The following RPTOR variants were observed in gnomAD, a reference collection of about 807,000 sequenced individuals.
The protein encoded by RPTOR is regulatory-associated protein of mTOR.
In RPTOR, 21 loss-of-function variants were observed where a neutral mutation model predicts 169.9. The observed-to-expected ratio is 0.12, with a 90% CI of 0.09 to 0.18. The LOEUF is 0.18. RPTOR is among the 10% of genes least tolerant of loss of function. RPTOR has a pLI of 1.00. For synonymous variants in RPTOR, 732 were observed against 753.2 expected, an observed-to-expected ratio of 0.97 and a Z score of 0.46; for missense variants, 1,133 against 1,855.9, an observed-to-expected ratio of 0.61 and a Z score of 7.16.
intron 14 of RPTOR, among the ~76,000 whole-genome samples, chr17:80,882,857 G>A (rs972302173): frequency 2.6e-5 from 4 of 152,226 alleles, no homozygotes; most frequent in Non-Finnish European, 4.4e-5. Flanking sequence ...CAAGAGGCGC[G>A]TAGGACACTA....
intron 3 of RPTOR, among the ~76,000 whole-genome samples, chr17:80,676,646 G>A (rs1432501865): frequency 6.6e-6 from 1 of 152,208 alleles, no homozygotes; most frequent in South Asian, 2.1e-4. Flanking sequence ...GGATTTTGAG[G>A]TGGAGCATTA....
rs1255708777 is a variant in RPTOR, at chr17:80,589,027, T to G, written c.163-36664T>G. On this transcript the variant is annotated intron_variant, in intron 1 of 33. Transcript: ENST00000306801. ...TACCCTAAAAGCTTCATAGTTTTGT[T>G]TTTTACATTTAGGTCCCTAACGAGG... Among the ~76,000 whole-genome samples the G allele has an allele frequency of 2.6e-5, 4 of 152,330 alleles. No individual in the cohort carries two copies. The East Asian group carries it at 7.7e-4, about 29-fold the overall frequency.
intron 1 of RPTOR, among the ~76,000 whole-genome samples, chr17:80,564,928 T>C (rs1426676250): frequency 2.0e-5 from 3 of 152,250 alleles, no homozygotes; most frequent in Admixed American, 2.0e-4. Flanking sequence ...TATTTTTTTG[T>C]GTGGCTGCAT....
At chr17:80,935,300 A>G (rs1196047541) in intron 24 of RPTOR, among the ~76,000 whole-genome samples, 1 of 152,230 alleles carries the variant, frequency 6.6e-6, no homozygotes, top group Non-Finnish European at 1.5e-5. Context: ...ACATAGATCA[A>G]TGCAACCCCA....
At chr17:80,864,522 T>C (rs574168844) in intron 13 of RPTOR, among the ~76,000 whole-genome samples, 3 of 150,780 alleles carry the variant, frequency 2.0e-5, no homozygotes, top group South Asian at 2.1e-4. Context: ...GAAAAAACTG[T>C]CAACCTAGAA....
chr17:80,606,275 G>A (rs1390475349), intron 1 of RPTOR, among the ~76,000 whole-genome samples: 1 of 150,032 alleles, frequency 6.7e-6, no homozygotes, highest in Non-Finnish European at 1.5e-5. Context: ...CTCCCAAAGT[G>A]CTGGGATTAC....
intron 9 of RPTOR, among the ~76,000 whole-genome samples, chr17:80,828,282 G>A (rs915430668): frequency 4.6e-5 from 7 of 152,210 alleles, no homozygotes; most frequent in African/African-American, 1.4e-4. Flanking sequence ...CTGAGACCAT[G>A]CGAGGTCTCA....
At chr17:80,716,111 G>C (rs2066237370) in intron 4 of RPTOR, among the ~76,000 whole-genome samples, 1 of 152,184 alleles carries the variant, frequency 6.6e-6, no homozygotes, top group Non-Finnish European at 1.5e-5. Flanking sequence ...TCAAATGGTA[G>C]TTCTACTTGT....
At chr17:80,949,264 C>T (rs1185761007) in intron 27 of RPTOR, among the ~76,000 whole-genome samples, 179 bp from the exon 28 acceptor site, 1 of 152,184 alleles carries the variant, frequency 6.6e-6, no homozygotes, top group African/African-American at 2.4e-5. Flanking sequence ...AGATATGGAT[C>T]TGAGGACAGA....
chr17:80,577,754 A>T (rs1480375791), intron 1 of RPTOR, among the ~76,000 whole-genome samples: 1 of 152,242 alleles, frequency 6.6e-6, no homozygotes, highest in African/African-American at 2.4e-5. Context: ...GCCCATCTCC[A>T]GTGCCATTCT....
chr17:80,687,826 G>A (rs1400479693), intron 3 of RPTOR, among the ~76,000 whole-genome samples: 2 of 152,168 alleles, frequency 1.3e-5, no homozygotes, highest in African/African-American at 4.8e-5. Flanking sequence ...CAGTGAGGCC[G>A]ACAGTGAGTT....
At chr17:80,789,188 A>C (rs1222718806) in intron 6 of RPTOR, among the ~76,000 whole-genome samples, 1 of 152,348 alleles carries the variant, frequency 6.6e-6, no homozygotes. Context: ...TATCTGGCCA[A>C]CTATGAATCT....
intron 25 of RPTOR, among the ~76,000 whole-genome samples, chr17:80,943,519 A>G (rs1203327504): frequency 6.6e-6 from 1 of 152,148 alleles, no homozygotes; most frequent in Non-Finnish European, 1.5e-5. Flanking sequence ...TCTACCCCAG[A>G]TCGGGAGGCT....
At chr17:80,812,182 C>T (rs1237695123) in intron 7 of RPTOR, among the ~76,000 whole-genome samples, 6 of 152,216 alleles carry the variant, frequency 3.9e-5, no homozygotes, top group Non-Finnish European at 8.8e-5. Context: ...TAGTTTTCTT[C>T]CAAAATTGTT....
chr17:80,665,631 G>A (rs541454126), intron 3 of RPTOR, among the ~76,000 whole-genome samples: 3 of 150,052 alleles, frequency 2.0e-5, no homozygotes, highest in East Asian at 2.0e-4. Flanking sequence ...TGCAACCTCC[G>A]CCTCCCAGGT....
At chr17:80,691,679 C>T (rs1157259416) in intron 3 of RPTOR, among the ~76,000 whole-genome samples, 2 of 152,160 alleles carry the variant, frequency 1.3e-5, no homozygotes, top group Non-Finnish European at 2.9e-5. Context: ...TTCTTCTACC[C>T]TAGGCCTGAA....
At chr17:80,822,800 A>G (rs370995922) in intron 8 of RPTOR, among the ~76,000 whole-genome samples, 10 of 112,790 alleles carry the variant, frequency 8.9e-5, no homozygotes, top group African/African-American at 3.8e-4. Context: ...GTGTGCGTGT[A>G]TTTGTGTATG....
chr17:80,636,847 C>T (rs925140773), intron 2 of RPTOR, among the ~76,000 whole-genome samples: 1 of 152,202 alleles, frequency 6.6e-6, no homozygotes, highest in African/African-American at 2.4e-5. Context: ...TCTTCCGCTG[C>T]TTTCTGTAGG....
At chr17:80,873,467 CAG>C (rs1242040781) in intron 13 of RPTOR, among the ~76,000 whole-genome samples, 1 of 152,228 alleles carries the variant, frequency 6.6e-6, no homozygotes, top group Non-Finnish European at 1.5e-5. Context: ...TTTGTCCTCA[CAG>C]AGCTGAAATC....
Sources: gnomAD v4.1 joint callset for allele counts (sites outside exome capture counted in the v4.1 genomes callset) on GRCh38, gnomAD v4.1.1 for gene constraint, MANE v1.5 for transcripts, NCBI Gene and HGNC (gene_info 2026-07-23, HGNC 2026-07-21) for gene names.